DNAH3: variants seen among roughly 807,000 people sequenced by gnomAD.
DNAH3 encodes the protein axonemal beta dynein heavy chain 3.
DNAH3 carries 332 observed loss-of-function variants against 432.5 expected under a neutral mutation model. The observed-to-expected ratio is 0.77, with a 90% CI of 0.70 to 0.84. The LOEUF is 0.84. DNAH3 is among the 40% of genes least tolerant of loss of function. The pLI, the probability that DNAH3 is intolerant of heterozygous loss-of-function variation, is 0.00. For synonymous variants in DNAH3, 1,956 were observed against 1,900.2 expected (o/e 1.03, Z -0.76); for missense variants, 4,861 against 5,114.0 (o/e 0.95, Z 1.51).
chr16:21,047,967 T>G (rs1367856633), intron 31 of DNAH3, among the ~76,000 whole-genome samples: 1 of 151,610 alleles, frequency 6.6e-6, no homozygotes, highest in African/African-American at 2.4e-5. Flanking sequence ...TGCTGGGGGG[T>G]GCCTCCCAGT....
exon 9 of DNAH3, chr16:21,125,279 T>C: frequency 1.2e-6 from 2 of 1,613,828 alleles, no homozygotes; most frequent in Non-Finnish European, 1.7e-6. Flanking sequence ...TATTCCTCAA[T>C]GTTTCGACTT....
chr16:21,054,306 C>G, intron 28 of DNAH3, 114 bp downstream of exon 28: 1 of 755,992 alleles, frequency 1.3e-6, no homozygotes, highest in Non-Finnish European at 2.1e-6. Context: ...GGAGAAAGCT[C>G]TCCCTAATGA....
At chr16:21,016,627 A>G (rs2087869626) in intron 41 of DNAH3, among the ~76,000 whole-genome samples, 1 of 152,192 alleles carries the variant, frequency 6.6e-6, no homozygotes, top group African/African-American at 2.4e-5. Flanking sequence ...TAAACATAGC[A>G]TTAACATATG....
intron 41 of DNAH3, chr16:21,019,360 A>G (rs2088031228): frequency 2.2e-6 from 1 of 454,048 alleles, no homozygotes; most frequent in African/African-American, 2.0e-5. Flanking sequence ...GGGTTTCACC[A>G]TGTTGGCCAG....
chr16:21,097,016 G>A (rs529367914), intron 18 of DNAH3, among the ~76,000 whole-genome samples: 1 of 152,192 alleles, frequency 6.6e-6, no homozygotes, highest in East Asian at 1.9e-4. Flanking sequence ...TAGAGTAAAA[G>A]GTAGTTTACA....
At chr16:21,026,663 G>A (rs1165556056) in intron 38 of DNAH3, among the ~76,000 whole-genome samples, 2 of 146,860 alleles carry the variant, frequency 1.4e-5, no homozygotes, top group Admixed American at 6.9e-5. Context: ...ATCATGCCAC[G>A]GGACTCCAGC....
intron 51 of DNAH3, among the ~76,000 whole-genome samples, chr16:20,972,236 CTCT>C (rs1194029681): frequency 4.5e-4 from 66 of 147,312 alleles, no homozygotes; most frequent in East Asian, 3.0e-3. Context: ...TTTTTTTTCT[CTCT>C]TTTTTTTTTT....
chr16:21,033,173 T>C (rs1364789737), intron 36 of DNAH3, among the ~76,000 whole-genome samples: 1 of 152,102 alleles, frequency 6.6e-6, no homozygotes, highest in Non-Finnish European at 1.5e-5. Context: ...AATTAGTTAT[T>C]AAGGCTAGGA....
intron 21 of DNAH3, 147 bp from the exon 22 acceptor site, chr16:21,070,973 C>A (rs561058194): frequency 2.1e-5 from 12 of 566,436 alleles, no homozygotes; most frequent in Non-Finnish European, 3.2e-5. Context: ...CAGCCTCAAA[C>A]TCCTGGGCTT....
chr16:21,114,987 A>C (rs1445170946), intron 12 of DNAH3, among the ~76,000 whole-genome samples: 3 of 152,126 alleles, frequency 2.0e-5, no homozygotes, highest in Non-Finnish European at 2.9e-5. Context: ...GACTTGGAAC[A>C]AACCCAAATG....
intron 15 of DNAH3, chr16:21,104,592 C>A: frequency 6.4e-7 from 1 of 1,561,612 alleles, no homozygotes; most frequent in Non-Finnish European, 8.8e-7. Context: ...TTGATGTCCT[C>A]ATCTGCAAAA....
At chr16:20,933,387 T>G in exon 62 of DNAH3, 2 of 1,614,226 alleles carry the variant, frequency 1.2e-6, no homozygotes, top group Middle Eastern at 1.7e-4. Flanking sequence ...TAGAGGATTT[T>G]GGGGAGAGAT....
At chr16:21,042,278 C>T in intron 31 of DNAH3, 75 bp from the exon 32 acceptor site, 1 of 1,443,482 alleles carries the variant, frequency 6.9e-7, no homozygotes, top group Non-Finnish European at 9.3e-7. Flanking sequence ...GGAGTCCTCC[C>T]ACATAGCAAA....
At chr16:20,986,854 T>C (rs554378427) in intron 47 of DNAH3, among the ~76,000 whole-genome samples, 1 of 152,204 alleles carries the variant, frequency 6.6e-6, no homozygotes, top group South Asian at 2.1e-4. Context: ...AACCAGATGA[T>C]AAAAATATAG....
chr16:21,078,001 C>T (rs941855288), intron 20 of DNAH3, among the ~76,000 whole-genome samples: 1 of 152,110 alleles, frequency 6.6e-6, no homozygotes, highest in South Asian at 2.1e-4. Flanking sequence ...CTAGGCCAGG[C>T]ACGGTGGCTC....
At chr16:21,024,622 T>G (rs2152716016) in exon 39 of DNAH3, 1 of 1,612,398 alleles carries the variant, frequency 6.2e-7, no homozygotes, top group East Asian at 2.2e-5. Context: ...TTGGTGAGAC[T>G]GGAGGGCAGG....
intron 51 of DNAH3, among the ~76,000 whole-genome samples, chr16:20,974,358 G>GT (rs879932631): frequency 3.6e-4 from 54 of 151,664 alleles, no homozygotes; most frequent in Middle Eastern, 6.8e-3. Context: ...GTTTTGTTTT[G>GT]TTTTTTAGAC....
intron 41 of DNAH3, among the ~76,000 whole-genome samples, chr16:21,006,166 C>A (rs1220036272): frequency 6.6e-6 from 1 of 152,064 alleles, no homozygotes; most frequent in Non-Finnish European, 1.5e-5. Flanking sequence ...TTATCTCAAA[C>A]CTTATTTCTA....
At position 21,086,643 on chromosome 16, in the gene DNAH3, G is replaced by A. The variant is rs368386264; in HGVS notation, c.2877+206C>T. On this transcript the variant is annotated intron_variant, in intron 19 of 61. Coordinates refer to ENST00000261383, the Ensembl canonical transcript of DNAH3. Reference sequence around the variant, plus strand: ...AACCACGACCAATGGGGGTTCCAAGGAAAGGGCCAACCTGTCCAGGGGGCA... The same window carrying A: ...AACCACGACCAATGGGGGTTCCAAGAAAAGGGCCAACCTGTCCAGGGGGCA... 7.9e-5 allele frequency among the ~76,000 whole-genome samples: 12 copies of A among 152,312 alleles called. No homozygotes were observed. The East Asian group carries it at 1.5e-3, about 20-fold the overall frequency.
Sources: gnomAD v4.1 joint callset for allele counts (sites outside exome capture counted in the v4.1 genomes callset) on GRCh38, gnomAD v4.1.1 for gene constraint, MANE v1.5 for transcripts, NCBI Gene and HGNC (gene_info 2026-07-23, HGNC 2026-07-21) for gene names.